The following ATXN3 variants were observed in gnomAD, a reference collection of about 807,000 sequenced individuals.
The protein encoded by ATXN3 is ataxin-3.
In ATXN3, 28 loss-of-function variants were observed where a neutral mutation model predicts 58.2. That is an observed-to-expected ratio of 0.48 (90% CI 0.36 to 0.66). The LOEUF (loss-of-function observed/expected upper bound fraction) is 0.66, where lower values mean the gene tolerates loss of function less well. ATXN3 is among the 30% of genes least tolerant of loss of function. The pLI is 0.00. For synonymous variants in ATXN3, 113 were observed against 138.5 expected, an observed-to-expected ratio of 0.82 and a Z score of 1.29; for missense variants, 321 against 422.1, an observed-to-expected ratio of 0.76 and a Z score of 2.10.
In ATXN3 at chr14:92,083,212, A is replaced by G; in HGVS notation, c.522T>C (p.Ala174=). 1 of 1,613,870 alleles carries G rather than the reference A, an allele frequency of 6.2e-7. No individual in the cohort carries two copies. Among genetic ancestry groups the G allele is most frequent in the Non-Finnish European group, 8.5e-7 (1 of 1,179,940 alleles). Residue 174 remains alanine (A), a synonymous_variant, in exon 7 of 11, where the codon GCT becomes GCC. Coordinates refer to ENST00000644486, the MANE Select transcript of ATXN3 (RefSeq NM_004993.6). The part of the protein sequence containing the change: ...VVKGDLPDCE[A]DQLLQMIRVQ... ...CCCTAATCATCTGCAGGAGTTGGTC[A>G]GCTTCGCAATCTGGCAGATCACCCT...
At chr14:92,049,204 G>A (rs1179989996) in intron 1 of ATXN3, among the ~76,000 whole-genome samples, 4 of 152,174 alleles carry the variant, frequency 2.6e-5, no homozygotes, top group African/African-American at 9.7e-5. Flanking sequence ...GGGGAATGGA[G>A]GACGGAATGT....
chr14:92,102,609 C>G (rs1056443354), intron 1 of ATXN3, among the ~76,000 whole-genome samples: 1 of 152,196 alleles, frequency 6.6e-6, no homozygotes, highest in Non-Finnish European at 1.5e-5. Flanking sequence ...TAGTGCTCTC[C>G]GAGCCCTTAC....
intron 10 of ATXN3, among the ~76,000 whole-genome samples, chr14:92,067,278 T>C (rs1399455086): frequency 6.6e-6 from 1 of 152,254 alleles, no homozygotes; most frequent in African/African-American, 2.4e-5. Context: ...TTTATCATAT[T>C]TGAGCTTCAT....
intron 2 of ATXN3, among the ~76,000 whole-genome samples, chr14:92,046,094 C>T (rs986574726): frequency 6.6e-6 from 1 of 152,130 alleles, no homozygotes; most frequent in Non-Finnish European, 1.5e-5. Flanking sequence ...CATATAACAG[C>T]ATTGTGGTGC....
At chr14:92,075,415 C>CGAATCAT (rs978712163) in intron 9 of ATXN3, among the ~76,000 whole-genome samples, 20 of 152,184 alleles carry the variant, frequency 1.3e-4, no homozygotes, top group African/African-American at 3.9e-4. Context: ...GATTCGCCTG[C>CGAATCAT]CTTGGCCTCC....
At chr14:92,089,332 C>CTTTTTTTTTTTTTTTTTTTT (rs1157498754) in intron 5 of ATXN3, among the ~76,000 whole-genome samples, 1 of 60,738 alleles carries the variant, frequency 1.6e-5, no homozygotes, top group African/African-American at 7.4e-5. Flanking sequence ...GCTAAATACT[C>CTTTTTTTTTTTTTTTTTTTT]TTTTTTTTTT....
At chr14:92,094,537 C>A (rs2064717704) in intron 3 of ATXN3, among the ~76,000 whole-genome samples, 1 of 152,162 alleles carries the variant, frequency 6.6e-6, no homozygotes, top group East Asian at 1.9e-4. Context: ...AAAATAAGTT[C>A]TCCCTGGGCA....
chr14:92,080,809 C>T (rs1595733639), intron 9 of ATXN3, 156 bp downstream of exon 9: 2 of 675,132 alleles, frequency 3.0e-6, no homozygotes, highest in Non-Finnish European at 5.2e-6. Context: ...CTGCTAGCAT[C>T]ACAGGCGTAA....
rs541140524 is a variant in ATXN3, at chr14:92,096,580, C to T, written c.189+94G>A. The T allele has an allele frequency of 5.2e-4, 664 of 1,283,260 alleles. 5 individuals carry two copies. The South Asian group carries it at 6.0e-3, about 12-fold the overall frequency. The allele number at this position is 1,283,260 out of a possible 1,614,324, so 79.5% of individuals were successfully genotyped here. A position where few individuals can be genotyped will look rare whatever the true frequency, so the allele number is the denominator to read the frequency against. On this transcript the variant is annotated intron_variant, in intron 2 of 10. Transcript: ENST00000644486. ...CAGAGGTTGCAGTGAGCCGAGATCG[C>T]GCCATTGCACTCCAGCATGGGCAAC...
intron 10 of ATXN3, chr14:92,070,595 C>T (rs7153615): frequency 0.26 from 142,280 of 554,864 alleles, 20,239 homozygotes; most frequent in East Asian, 0.46. Flanking sequence ...AGAAAAATAT[C>T]CATGATGTCT....
At chr14:92,099,742 C>A (rs544179293) in intron 1 of ATXN3, among the ~76,000 whole-genome samples, 3 of 152,184 alleles carry the variant, frequency 2.0e-5, no homozygotes, top group Non-Finnish European at 2.9e-5. Flanking sequence ...GTGGTGCGTG[C>A]TTGTAGTCCA....
chr14:92,065,001 A>G (rs1211680602), intron 10 of ATXN3, among the ~76,000 whole-genome samples: 1 of 152,252 alleles, frequency 6.6e-6, no homozygotes, highest in Non-Finnish European at 1.5e-5. Context: ...GTAGTTCTAC[A>G]TGGCATTTTA....
chr14:92,084,531 T>A (rs2062019451), intron 6 of ATXN3, among the ~76,000 whole-genome samples: 1 of 152,148 alleles, frequency 6.6e-6, no homozygotes, highest in East Asian at 1.9e-4. Context: ...AAGGATGGGC[T>A]ATACCTAAAA....
intron 8 of ATXN3, among the ~76,000 whole-genome samples, chr14:92,081,383 G>A (rs1442053295): frequency 7.0e-6 from 1 of 143,196 alleles, no homozygotes; most frequent in African/African-American, 2.6e-5. Context: ...TGAGGCAGGA[G>A]AATCGCTTGA....
intron 10 of ATXN3, among the ~76,000 whole-genome samples, chr14:92,065,650 G>A (rs1047405849): frequency 6.6e-6 from 1 of 152,148 alleles, no homozygotes; most frequent in Non-Finnish European, 1.5e-5. Context: ...GGGAAGCCGA[G>A]GTGGGCGGAT....
chr14:92,082,576 T>C lies in ATXN3; in HGVS notation c.609-110A>G, dbSNP rs56168906. ...AAGTAAGTCAAAACTTAAAATGTTT[T>C]CTGGCAAATAAGCTCTAGTAATATA... On this transcript the variant is annotated intron_variant, in intron 7 of 10. Coordinates refer to ENST00000644486, the MANE Select transcript of ATXN3 (RefSeq NM_004993.6). 2.8e-3 allele frequency: 3,015 copies of C among 1,073,170 alleles called. 76 individuals are homozygous for C. The African/African-American group carries it at 0.042, about 15-fold the overall frequency. The allele number at this position is 1,073,170 out of a possible 1,614,324, so 66.5% of individuals were successfully genotyped here.
rs1157699681 is a variant in ATXN3, at chr14:92,061,426, G to A, written c.*2894C>T. ...TTTTAGATCAGAGATTAACTATTCTGAATTTTAAAAACATAAATTACTCAT... is the reference window on the plus strand; with the variant it reads ...TTTTAGATCAGAGATTAACTATTCTAAATTTTAAAAACATAAATTACTCAT... On this transcript the variant is annotated 3_prime_UTR_variant, in exon 11 of 11. Coordinates refer to ENST00000644486, the MANE Select transcript of ATXN3 (RefSeq NM_004993.6). 6.6e-6 allele frequency: 1 copy of A among 152,038 alleles called. No homozygotes were observed. The highest frequency in any genetic ancestry group is 1.5e-5 in the Non-Finnish European group (1 of 68,018). The allele number at this position is 152,038 out of a possible 1,614,324, so 9.4% of individuals were successfully genotyped here.
rs2057759776 is a variant in ATXN3 at position 92,061,268 on chromosome 14, TAAATA to T, written c.*3047_*3051del. ...AGGACAAAAAAAAAAAGCACCACCT[TAAATA>T]AAATATTCTGTGAATTGTAAATTAT... On this transcript the variant is annotated 3_prime_UTR_variant, in exon 11 of 11. Coordinates refer to ENST00000644486, the MANE Select transcript of ATXN3 (RefSeq NM_004993.6). 5 of 151,964 alleles carry T rather than the reference TAAATA, an allele frequency of 3.3e-5. No individual in the cohort carries two copies. The highest frequency in any genetic ancestry group is 2.6e-4 in the Admixed American group (4 of 15,254). The allele number at this position is 151,964 out of a possible 1,614,324, so 9.4% of individuals were successfully genotyped here.
intron 1 of ATXN3, among the ~76,000 whole-genome samples, chr14:92,104,596 GA>G (rs1270316815): frequency 6.6e-6 from 1 of 152,112 alleles, no homozygotes; most frequent in Non-Finnish European, 1.5e-5. Flanking sequence ...CTTCCATGTT[GA>G]AATGTGGTCC....
Sources: allele counts gnomAD v4.1 joint callset (sites outside exome capture counted in the v4.1 genomes callset), GRCh38; gene constraint gnomAD v4.1.1; transcripts MANE v1.5; gene names NCBI Gene and HGNC (gene_info 2026-07-23, HGNC 2026-07-21).